The following CA10 variants were observed in gnomAD, a reference collection of about 807,000 sequenced individuals.
The protein encoded by CA10 is carbonic anhydrase 10 (inactive).
A neutral mutation model predicts 44.2 loss-of-function variants in CA10; 14 were observed. The observed-to-expected ratio is 0.32, with a 90% CI of 0.21 to 0.50. The LOEUF (loss-of-function observed/expected upper bound fraction) is 0.50. Ranked by LOEUF, CA10 falls within the 20% of genes least tolerant of loss-of-function variation. CA10 has a pLI of 0.99. For missense variants in CA10, 350 were observed against 409.7 expected, an observed-to-expected ratio of 0.85 and a Z score of 1.26; for synonymous variants, 159 against 141.6, an observed-to-expected ratio of 1.12 and a Z score of -0.87.
chr17:52,096,888 G>T (rs559665139), intron 1 of CA10, among the ~76,000 whole-genome samples: 3 of 152,072 alleles, frequency 2.0e-5, no homozygotes, highest in South Asian at 4.2e-4. Context: ...TTTGTAACTT[G>T]CTTTTTTCAT....
At chr17:51,762,593 G>C (rs1278522614) in intron 3 of CA10, 1 of 152,182 alleles carries the variant, frequency 6.6e-6, no homozygotes, top group Non-Finnish European at 1.5e-5. Context: ...GAAGATCGGT[G>C]ACAGTAGGTG....
At chr17:51,744,288 C>A (rs2143596221) in intron 4 of CA10, among the ~76,000 whole-genome samples, 1 of 150,208 alleles carries the variant, frequency 6.7e-6, no homozygotes, top group East Asian at 2.0e-4. Context: ...GCACTTCAGC[C>A]TGGGTGACAC....
At chr17:51,916,910 C>T (rs1345294674) in intron 3 of CA10, among the ~76,000 whole-genome samples, 6 of 152,192 alleles carry the variant, frequency 3.9e-5, no homozygotes, top group East Asian at 1.9e-4. Flanking sequence ...GAGTCCTTTC[C>T]GATATGAATA....
At position 51,973,366 on chromosome 17, in the gene CA10, T is replaced by G. The variant is rs578141224; in HGVS notation, c.137-42234A>C. ...AGAGATTGTGAGGGGCAGGAATCTT[T>G]CAGCAGGGAAGAGGACAGGAGGACG... On this transcript the variant is annotated intron_variant, in intron 2 of 8. Transcript: ENST00000451037. 5.8e-4 allele frequency among the ~76,000 whole-genome samples: 88 copies of G among 152,288 alleles called. 3 individuals are homozygous for G. The highest frequency in any genetic ancestry group is 2.0e-3 in the African/African-American group (85 of 41,570).
intron 3 of CA10, among the ~76,000 whole-genome samples, chr17:51,820,533 C>T (rs556653235): frequency 1.5e-4 from 23 of 151,594 alleles, no homozygotes; most frequent in Admixed American, 6.6e-4. Flanking sequence ...AAATCTCTGA[C>T]GCACAAACCC....
intron 1 of CA10, among the ~76,000 whole-genome samples, chr17:52,087,493 A>G (rs1346354231): frequency 2.6e-5 from 4 of 152,210 alleles, no homozygotes; most frequent in African/African-American, 9.6e-5. Flanking sequence ...TCAAGAAAGT[A>G]AGATTAGAGA....
chr17:51,925,183 C>A (rs1982377588), intron 3 of CA10, among the ~76,000 whole-genome samples: 1 of 152,120 alleles, frequency 6.6e-6, no homozygotes, highest in Non-Finnish European at 1.5e-5. Flanking sequence ...AGCCACTGCA[C>A]CCTGCTTCTT....
chr17:52,006,522 T>C (rs1985603280), intron 2 of CA10, among the ~76,000 whole-genome samples: 1 of 151,790 alleles, frequency 6.6e-6, no homozygotes. Context: ...AGCATTTTTT[T>C]CCCTCTTTCC....
At chr17:51,807,614 T>C (rs1221051040) in intron 3 of CA10, among the ~76,000 whole-genome samples, 1 of 152,212 alleles carries the variant, frequency 6.6e-6, no homozygotes, top group Non-Finnish European at 1.5e-5. Context: ...AACAAAAACC[T>C]TCCTAAGTGG....
At chr17:51,803,764 C>G (rs1010875602) in intron 3 of CA10, among the ~76,000 whole-genome samples, 13 of 152,212 alleles carry the variant, frequency 8.5e-5, no homozygotes, top group African/African-American at 3.1e-4. Context: ...ATTAAATTTA[C>G]TTTTCAATGG....
At chr17:52,059,369 C>T (rs1450217123) in intron 2 of CA10, among the ~76,000 whole-genome samples, 1 of 152,108 alleles carries the variant, frequency 6.6e-6, no homozygotes, top group Non-Finnish European at 1.5e-5. Flanking sequence ...TGCTAAGTGA[C>T]TTGCCTAAGA....
intron 3 of CA10, among the ~76,000 whole-genome samples, chr17:51,806,342 C>T (rs1435727608): frequency 2.0e-5 from 3 of 152,194 alleles, no homozygotes; most frequent in African/African-American, 7.2e-5. Context: ...GAGGCTTTCT[C>T]AGTGTTCCTA....
At chr17:51,796,148 C>T (rs966579725) in intron 3 of CA10, among the ~76,000 whole-genome samples, 8 of 152,066 alleles carry the variant, frequency 5.3e-5, no homozygotes, top group African/African-American at 9.7e-5. Flanking sequence ...TAACGCCACC[C>T]GAGGACCCCT....
chr17:52,074,161 C>A (rs1987757700), intron 1 of CA10, among the ~76,000 whole-genome samples: 2 of 152,106 alleles, frequency 1.3e-5, no homozygotes, highest in African/African-American at 4.8e-5. Context: ...TAATGGCCCT[C>A]TTATGAAACA....
chr17:51,728,725 A>C (rs1314311931), intron 4 of CA10, among the ~76,000 whole-genome samples: 1 of 152,240 alleles, frequency 6.6e-6, no homozygotes, highest in African/African-American at 2.4e-5. Flanking sequence ...TTCTCTGTGA[A>C]GATATTATTT....
At chr17:51,636,286 A>T (rs1455667466) in intron 6 of CA10, among the ~76,000 whole-genome samples, 1 of 152,112 alleles carries the variant, frequency 6.6e-6, no homozygotes, top group Non-Finnish European at 1.5e-5. Context: ...GCTTCCCTCC[A>T]TGTCATTGTC....
Position 51,633,638 on chromosome 17 carries a change from G to C in CA10, c.802C>G (p.Arg268Gly). Residue 268 changes from arginine to glycine, a missense_variant, in exon 8 of 9, where the codon CGC (arginine) becomes GGC (glycine). Physicochemically the swap from Arg to Gly is moderately radical, Grantham distance 125. Coordinates refer to ENST00000451037, the MANE Select transcript of CA10 (RefSeq NM_020178.5). ...GATGGCTGGTTCTGGCTGAGCAGGC[G>C]CAAGGAATGCATCTGAGGAGAGAGA... ...YITRMQMHSL[R>G]LLSQNQPSQI... The C allele has an allele frequency of 6.2e-7, 1 of 1,613,566 alleles. No individual in the cohort carries two copies. The highest frequency in any genetic ancestry group is 1.1e-5 in the South Asian group (1 of 90,946).
intron 3 of CA10, among the ~76,000 whole-genome samples, chr17:51,893,876 C>T (rs540894768): frequency 2.0e-5 from 3 of 152,082 alleles, no homozygotes; most frequent in Admixed American, 6.6e-5. Flanking sequence ...TATATATTCA[C>T]GTATACATTT....
intron 3 of CA10, among the ~76,000 whole-genome samples, chr17:51,928,555 G>A (rs1435596027): frequency 6.6e-6 from 1 of 152,096 alleles, no homozygotes; most frequent in Non-Finnish European, 1.5e-5. Flanking sequence ...AGATACACTT[G>A]AACACCAGAA....
Sources: gnomAD v4.1 joint callset for allele counts (sites outside exome capture counted in the v4.1 genomes callset) on GRCh38, gnomAD v4.1.1 for gene constraint, MANE v1.5 for transcripts, NCBI Gene and HGNC (gene_info 2026-07-23, HGNC 2026-07-21) for gene names.